The following ANO7 variants were observed in gnomAD, a reference collection of about 807,000 sequenced individuals.
ANO7 encodes anoctamin 7.
Under a neutral mutation model 115.8 loss-of-function variants are expected in ANO7, and 114 were observed. That is an observed-to-expected ratio of 0.98 (90% confidence interval 0.85 to 1.15). ANO7 has a LOEUF of 1.15. ANO7 is among the 50% of genes most tolerant of loss of function. ANO7 has a pLI of 0.00. For missense variants in ANO7, 1,302 were observed against 1,201.2 expected, an observed-to-expected ratio of 1.08 and a Z score of -1.24; for synonymous variants, 550 against 498.2, an observed-to-expected ratio of 1.10 and a Z score of -1.38.
At chr2:241,233,146 T>G in the ANO7 span, among the ~76,000 whole-genome samples, 1 of 152,132 alleles carries the variant, frequency 6.6e-6, no homozygotes, top group Non-Finnish European at 1.5e-5. The surrounding 1 kb of genome is among the most constrained non-coding windows in gnomAD (Gnocchi z 4.3). Context: ...TGGGCAAAGC[T>G]GTGCTGGACA....
the ANO7 span, chr2:241,240,102 A>G: frequency 6.2e-7 from 1 of 1,614,148 alleles, no homozygotes; most frequent in Non-Finnish European, 8.5e-7. The surrounding 1 kb of genome is among the most constrained non-coding windows in gnomAD (Gnocchi z 5.5). Context: ...CGCGGATGTC[A>G]ACAGTGAAAC....
chr2:241,232,877 G>A, the ANO7 span, among the ~76,000 whole-genome samples: 2 of 152,104 alleles, frequency 1.3e-5, no homozygotes, highest in Non-Finnish European at 2.9e-5. Flanking sequence ...TGTGGGGAGG[G>A]AAGAGGACGT....
At chr2:241,235,189 T>C in the ANO7 span, 2 of 1,613,998 alleles carry the variant, frequency 1.2e-6, no homozygotes, top group Non-Finnish European at 1.7e-6. Flanking sequence ...CGGTCCAAAT[T>C]TGCAGCGAGG....
intron 4 of ANO7, chr2:241,196,163 G>A (rs900558267): frequency 2.3e-6 from 3 of 1,290,178 alleles, no homozygotes; most frequent in Non-Finnish European, 3.0e-6. Context: ...TTTTGGGTAG[G>A]CGTGTCATTT....
At position 241,224,359 on chromosome 2, in the gene ANO7, G is replaced by A. The variant is rs1209058067; in HGVS notation, c.*206G>A. 1.6e-5 allele frequency: 10 copies of A among 607,472 alleles called. No individual in the cohort carries two copies. The highest frequency in any genetic ancestry group is 4.5e-4 in the Middle Eastern group (1 of 2,236). 37.6% of individuals were successfully genotyped at this position (607,472 alleles called of 1,614,324 possible). ...ACTCCATCCCCGGCAGGGAGGGACC[G>A]TCAGCTCACAAGGCCCTCTTTGTTT... On this transcript the variant is annotated 3_prime_UTR_variant, in exon 25 of 25. Transcript: ENST00000674324.
chr2:241,194,180 T>TA (rs1491134442), intron 3 of ANO7, among the ~76,000 whole-genome samples: 1 of 54,086 alleles, frequency 1.8e-5, no homozygotes, highest in East Asian at 2.7e-3. Flanking sequence ...TGGCCTTTAA[T>TA]TTTTTTTTTT....
At chr2:241,210,168 G>T in intron 13 of ANO7, 127 bp from the exon 14 acceptor site, 1 of 872,842 alleles carries the variant, frequency 1.1e-6, no homozygotes, top group Non-Finnish European at 1.9e-6. Context: ...TGGAGGCAGG[G>T]GCCTTCCTAG....
chr2:241,229,777 C>A (rs2069492439), downstream of ANO7: 10 of 1,564,426 alleles, frequency 6.4e-6, no homozygotes, highest in Non-Finnish European at 8.7e-6. Context: ...GGACACCAAG[C>A]CCGCCTGCCC....
intron 15 of ANO7, 31 bp downstream of exon 15, chr2:241,210,601 C>G: frequency 6.3e-7 from 1 of 1,592,048 alleles, no homozygotes; most frequent in Non-Finnish European, 8.6e-7. Context: ...CAGGCACTGA[C>G]CAGGGGCCCA....
rs947924760 is a variant in ANO7 at position 241,209,347 on chromosome 2, C to A, written c.1140C>A (p.Ala380=). 2 of 1,577,950 alleles carry A rather than the reference C, an allele frequency of 1.3e-6. No individual in the cohort carries two copies. The highest frequency in any genetic ancestry group is 1.7e-6 in the Non-Finnish European group (2 of 1,162,378). ...VFFSLFMALW[A]VLLLEYWKRK... ...TCAGCTTGTTCATGGCACTGTGGGCCGTGCTGCTGCTGGAGTACTGGAAGC... is the reference window on the plus strand; with the variant it reads ...TCAGCTTGTTCATGGCACTGTGGGCAGTGCTGCTGCTGGAGTACTGGAAGC... Residue 380 remains alanine, a synonymous_variant, in exon 12 of 25, where the codon GCC becomes GCA. Transcript: ENST00000674324.
At position 241,216,821 on chromosome 2, in the gene ANO7, A is replaced by AGTTT. The variant is rs111551638; in HGVS notation, c.1972+596_1972+599dup. ...CAAAAGGGAGAAGGAATCATCAGGC[A>AGTTT]GTTTGTTTGTTTGTTTTTGTTTTGT... On this transcript the variant is annotated intron_variant, in intron 19 of 24. Coordinates refer to ENST00000674324, the MANE Select transcript of ANO7 (RefSeq NM_001370694.2). 6.7e-3 allele frequency among the ~76,000 whole-genome samples: 1,014 copies of AGTTT among 151,488 alleles called. 12 individuals are homozygous for AGTTT. Among genetic ancestry groups the AGTTT allele is most frequent in the African/African-American group, 0.023 (953 of 41,282 alleles).
intron 4 of ANO7, among the ~76,000 whole-genome samples, chr2:241,196,837 TCGTGTGTG>T (rs2068344511): frequency 7.7e-6 from 1 of 129,060 alleles, no homozygotes; most frequent in East Asian, 2.5e-4. Flanking sequence ...GTCAATTCAT[TCGTGTGTG>T]TGTGTGTGTG....
At chr2:241,236,991 G>C in the ANO7 span, among the ~76,000 whole-genome samples, 13 of 144,068 alleles carry the variant, frequency 9.0e-5, no homozygotes, top group Non-Finnish European at 1.4e-4. Context: ...GGGGGGGGGG[G>C]GGGCGGCAAT....
the ANO7 span, chr2:241,235,240 G>A: frequency 1.9e-6 from 3 of 1,614,210 alleles, no homozygotes; most frequent in African/African-American, 1.3e-5. Context: ...TCAGGTGCCG[G>A]GACATGTATG....
At chr2:241,209,669 C>A in intron 13 of ANO7, 34 bp downstream of exon 13, 1 of 1,509,438 alleles carries the variant, frequency 6.6e-7, no homozygotes, top group South Asian at 1.3e-5. Context: ...CTCACGCCTC[C>A]ATCCTCCTGC....
intron 19 of ANO7, among the ~76,000 whole-genome samples, chr2:241,217,400 G>GCC (rs1449817433): frequency 6.6e-6 from 1 of 152,260 alleles, no homozygotes; most frequent in East Asian, 1.9e-4. Context: ...GCAGGTTTCT[G>GCC]CCCCAACGCC....
Position 241,223,227 on chromosome 2 carries a change from CCTA to C in ANO7, c.2366_2368del (p.Tyr789del). The C allele has an allele frequency of 6.2e-7, 1 of 1,614,220 alleles. No homozygotes were observed. The highest frequency in any genetic ancestry group is 8.5e-7 in the Non-Finnish European group (1 of 1,180,036). On this transcript the variant is annotated inframe_deletion, in exon 22 of 25. Coordinates refer to ENST00000674324, the MANE Select transcript of ANO7 (RefSeq NM_001370694.2). ...GATGACGATGGACATTATTCCCAGA[CCTA>C]CTGGAATCTTCTTGCCATCCGCCTG...
rs548644601 is a variant in ANO7, at chr2:241,209,386, G to A, written c.1179G>A (p.Thr393=). 1.3e-5 allele frequency: 21 copies of A among 1,583,180 alleles called. No homozygotes were observed. Among genetic ancestry groups the A allele is most frequent in the East Asian group, 2.3e-5 (1 of 42,910 alleles). Residue 393 remains threonine (T), a synonymous_variant, in exon 12 of 25, where the codon ACG becomes ACA. Coordinates refer to ENST00000674324, the MANE Select transcript of ANO7 (RefSeq NM_001370694.2). The part of the protein sequence containing the change: ...LLEYWKRKSA[T]LAYRWDCSDY... The stretch of plus-strand genomic sequence containing the variant: ...AGTACTGGAAGCGGAAGAGCGCCAC[G>A]CTGGCCTACCGCTGGGACTGCTCTG...
the ANO7 span, among the ~76,000 whole-genome samples, chr2:241,237,310 G>C: frequency 6.6e-6 from 1 of 152,208 alleles, no homozygotes; most frequent in East Asian, 1.9e-4. Flanking sequence ...GAGAGCCCCA[G>C]AAGTGAAGAG....
Sources: gnomAD v4.1 joint callset for allele counts (sites outside exome capture counted in the v4.1 genomes callset) on GRCh38, gnomAD v4.1.1 for gene constraint, Gnocchi (gnomAD v3.1) non-coding constraint, MANE v1.5 for transcripts, NCBI Gene and HGNC (gene_info 2026-07-23, HGNC 2026-07-21) for gene names.